NAALADL2: variants seen among roughly 807,000 people sequenced by gnomAD.
NAALADL2 encodes N-acetylated alpha-linked acidic dipeptidase like 2, also known as inactive N-acetylated-alpha-linked acidic dipeptidase-like protein 2.
In NAALADL2, 76 loss-of-function variants were observed where a neutral mutation model predicts 87.2. That is an observed-to-expected ratio of 0.87 (90% CI 0.72 to 1.05). The LOEUF (loss-of-function observed/expected upper bound fraction) is 1.05. Among genes scored for constraint, NAALADL2 ranks in the 50% least tolerant of loss-of-function variants. NAALADL2 has a pLI of 0.00. For missense variants in NAALADL2, 1,089 were observed against 945.8 expected (o/e 1.15, Z -1.99); for synonymous variants, 354 against 331.0 (o/e 1.07, Z -0.75).
chr3:175,787,306 C>T (rs1290251760), intron 13 of NAALADL2, among the ~76,000 whole-genome samples: 2 of 152,056 alleles, frequency 1.3e-5, no homozygotes, highest in African/African-American at 4.8e-5. Flanking sequence ...TGCCCCTCCC[C>T]CAGCCTTCCT....
intron 9 of NAALADL2, among the ~76,000 whole-genome samples, chr3:175,516,492 A>C (rs969190608): frequency 3.3e-5 from 5 of 152,178 alleles, no homozygotes; most frequent in Non-Finnish European, 7.4e-5. Context: ...GAGATTTTCT[A>C]ATTTAAAGGT....
chr3:174,714,694 T>C (rs1731010884), intron 2 of NAALADL2, among the ~76,000 whole-genome samples: 2 of 152,352 alleles, frequency 1.3e-5, no homozygotes, highest in East Asian at 1.9e-4. Context: ...AAGGAGGTTT[T>C]GGGCTGAGAC....
chr3:175,506,249 A>C (rs1341671870), intron 9 of NAALADL2, among the ~76,000 whole-genome samples: 1 of 152,224 alleles, frequency 6.6e-6, no homozygotes, highest in Non-Finnish European at 1.5e-5. Context: ...CTTCTGCAGT[A>C]TGTGCCATGT....
At chr3:175,634,836 T>C (rs1013946264) in intron 11 of NAALADL2, among the ~76,000 whole-genome samples, 8 of 152,184 alleles carry the variant, frequency 5.3e-5, no homozygotes, top group African/African-American at 1.4e-4. Context: ...TCAATTTTTT[T>C]CCGCTATATC....
chr3:174,839,039 G>A (rs896077985), intron 3 of NAALADL2, among the ~76,000 whole-genome samples: 1 of 152,092 alleles, frequency 6.6e-6, no homozygotes, highest in African/African-American at 2.4e-5. Flanking sequence ...CATAGCCAAA[G>A]CAAGACTAAG....
At position 175,362,541 on chromosome 3, in the gene NAALADL2, G is replaced by A. The variant is rs755730579; in HGVS notation, c.1090+38216G>A. ...ATTTGTTTGTATCCTCTTTTATTTCGTTAAGCACTATATATCACAATATCT... is the reference window on the plus strand; with the variant it reads ...ATTTGTTTGTATCCTCTTTTATTTCATTAAGCACTATATATCACAATATCT... On this transcript the variant is annotated intron_variant, in intron 5 of 13. Transcript: ENST00000454872. 1.8e-4 allele frequency among the ~76,000 whole-genome samples: 26 copies of A among 147,260 alleles called. 1 individual carries two copies. The highest frequency in any genetic ancestry group is 2.7e-4 in the Non-Finnish European group (18 of 66,216).
At chr3:174,485,792 A>G (rs1433539748) in intron 1 of NAALADL2, among the ~76,000 whole-genome samples, 2 of 151,950 alleles carry the variant, frequency 1.3e-5, no homozygotes, top group African/African-American at 2.4e-5. Flanking sequence ...TAATGCTGTA[A>G]TAAACATATG....
chr3:174,509,568 A>ATTTTTTT (rs145219498), intron 1 of NAALADL2, among the ~76,000 whole-genome samples: 31 of 80,114 alleles, frequency 3.9e-4, no homozygotes, highest in East Asian at 8.2e-4. Flanking sequence ...CACCCAGCTA[A>ATTTTTTT]TTTTTTTTTT....
intron 1 of NAALADL2, among the ~76,000 whole-genome samples, chr3:175,092,251 A>G (rs1469161984): frequency 2.6e-5 from 4 of 151,932 alleles, no homozygotes; most frequent in African/African-American, 4.8e-5. Flanking sequence ...AAAATTAAGC[A>G]TAAGTATTAA....
At chr3:175,323,026 G>A (rs1316536354) in intron 4 of NAALADL2, among the ~76,000 whole-genome samples, 2 of 150,756 alleles carry the variant, frequency 1.3e-5, no homozygotes, top group Non-Finnish European at 3.0e-5. Flanking sequence ...CTGCTATAAA[G>A]ACACATGCAC....
intron 1 of NAALADL2, among the ~76,000 whole-genome samples, chr3:175,094,566 CA>C (rs1241275816): frequency 6.6e-6 from 1 of 151,540 alleles, no homozygotes; most frequent in Non-Finnish European, 1.5e-5. Flanking sequence ...TTGATTTGAC[CA>C]AAGACAGAAT....
At chr3:175,209,384 C>A (rs1055081267) in intron 2 of NAALADL2, among the ~76,000 whole-genome samples, 4 of 151,994 alleles carry the variant, frequency 2.6e-5, no homozygotes, top group African/African-American at 9.7e-5. Context: ...CTTTGAAGAG[C>A]AGAAGCATAA....
chr3:175,328,596 T>G (rs924930220), intron 5 of NAALADL2, among the ~76,000 whole-genome samples: 1 of 152,146 alleles, frequency 6.6e-6, no homozygotes, highest in Non-Finnish European at 1.5e-5. Context: ...CCCAGGACCA[T>G]ATATTTCTGG....
At chr3:174,689,242 A>G (rs1025675156) in intron 2 of NAALADL2, among the ~76,000 whole-genome samples, 4 of 152,182 alleles carry the variant, frequency 2.6e-5, no homozygotes, top group Admixed American at 2.6e-4. Flanking sequence ...TTCTATGCTC[A>G]AAGCCTAGAT....
chr3:174,904,286 A>T (rs1732709030), intron 1 of NAALADL2, among the ~76,000 whole-genome samples: 2 of 151,870 alleles, frequency 1.3e-5, no homozygotes, highest in South Asian at 4.1e-4. Flanking sequence ...AGAATGTTAC[A>T]TTGTGTGATA....
intron 5 of NAALADL2, among the ~76,000 whole-genome samples, chr3:175,352,168 AT>A (rs56305727): frequency 0.53 from 78,537 of 146,804 alleles, 21,134 homozygotes; most frequent in African/African-American, 0.67. Flanking sequence ...ACTGGCTTGG[AT>A]TTTTTTTTTT....
intron 2 of NAALADL2, among the ~76,000 whole-genome samples, chr3:175,135,983 A>C (rs1729056732): frequency 6.6e-6 from 1 of 152,180 alleles, no homozygotes; most frequent in South Asian, 2.1e-4. Flanking sequence ...TGCAGACCCA[A>C]AGTTCAAGTG....
intron 1 of NAALADL2, among the ~76,000 whole-genome samples, chr3:174,901,635 C>T (rs544127414): frequency 2.0e-5 from 3 of 151,956 alleles, no homozygotes; most frequent in Admixed American, 2.0e-4. Flanking sequence ...CTTGAATAGT[C>T]AGCCCTTTAT....
At chr3:174,570,371 A>C (rs542841147) in intron 2 of NAALADL2, among the ~76,000 whole-genome samples, 1 of 152,254 alleles carries the variant, frequency 6.6e-6, no homozygotes, top group South Asian at 2.1e-4. Flanking sequence ...AATATGGATT[A>C]AATTGAGCTC....
Sources: gnomAD v4.1 joint callset for allele counts (sites outside exome capture counted in the v4.1 genomes callset) on GRCh38, gnomAD v4.1.1 for gene constraint, MANE v1.5 for transcripts, NCBI Gene and HGNC (gene_info 2026-07-23, HGNC 2026-07-21) for gene names.